CRYBG1: variants seen among roughly 807,000 people sequenced by gnomAD.
CRYBG1 encodes crystallin beta-gamma domain containing 1, also known as beta/gamma crystallin domain-containing protein 1.
CRYBG1 carries 139 observed loss-of-function variants against 189.2 expected under a neutral mutation model. The observed-to-expected ratio is 0.73, with a 90% CI of 0.64 to 0.85. The LOEUF is 0.85. Ranked by LOEUF, CRYBG1 falls within the 40% of genes least tolerant of loss-of-function variation. The pLI is 0.00. For synonymous variants in CRYBG1, 1,023 were observed against 1,017.1 expected (o/e 1.01, Z -0.11); for missense variants, 2,611 against 2,675.8 (o/e 0.98, Z 0.53).
chr6:106,443,366 A>T (rs908744772), intron 1 of CRYBG1, among the ~76,000 whole-genome samples: 1 of 152,236 alleles, frequency 6.6e-6, no homozygotes, highest in Non-Finnish European at 1.5e-5. Context: ...ATGATCAAGT[A>T]CATGGACCTC....
At chr6:106,368,292 C>T (rs941077494) in intron 1 of CRYBG1, among the ~76,000 whole-genome samples, 10 of 152,166 alleles carry the variant, frequency 6.6e-5, no homozygotes, top group African/African-American at 2.4e-4. Flanking sequence ...CACACACACA[C>T]ACATCTGTCT....
At chr6:106,460,727 C>T (rs1771993255) in intron 2 of CRYBG1, among the ~76,000 whole-genome samples, 2 of 152,102 alleles carry the variant, frequency 1.3e-5, no homozygotes, top group African/African-American at 4.8e-5. Flanking sequence ...CTGAAATGCT[C>T]CTCCCTCTCA....
chr6:106,424,933 A>G (rs1329228330), intron 1 of CRYBG1, among the ~76,000 whole-genome samples: 1 of 152,100 alleles, frequency 6.6e-6, no homozygotes, highest in Non-Finnish European at 1.5e-5. Flanking sequence ...GTCCTCTGGA[A>G]CTTGGAGTGC....
intron 1 of CRYBG1, among the ~76,000 whole-genome samples, chr6:106,365,344 T>A (rs7762351): frequency 0.67 from 100,960 of 151,666 alleles, 33,768 homozygotes; most frequent in African/African-American, 0.73. Flanking sequence ...GGAAAATCAC[T>A]TGAACCTGGG....
chr6:106,482,412 C>T (rs1772482690), intron 2 of CRYBG1, among the ~76,000 whole-genome samples: 1 of 125,572 alleles, frequency 8.0e-6, no homozygotes. Flanking sequence ...CCATCCTATT[C>T]ACAGGTCCTG....
At chr6:106,464,438 A>T (rs1304918183) in intron 2 of CRYBG1, among the ~76,000 whole-genome samples, 1 of 151,044 alleles carries the variant, frequency 6.6e-6, no homozygotes, top group Non-Finnish European at 1.5e-5. Context: ...GGTTGCAGTG[A>T]GCCAAGATTG....
chr6:106,535,632 T>C (rs57111135), intron 8 of CRYBG1, among the ~76,000 whole-genome samples: 4 of 152,364 alleles, frequency 2.6e-5, no homozygotes, highest in African/African-American at 7.2e-5. Flanking sequence ...ATGTCTCTTA[T>C]AGATTTGCAT....
chr6:106,558,507 A>C lies in CRYBG1; in HGVS notation c.5737A>C (p.Ile1913Leu). 1 of 1,602,264 alleles carries C rather than the reference A, an allele frequency of 6.2e-7. No homozygotes were observed. Among genetic ancestry groups the C allele is most frequent in the South Asian group, 1.1e-5 (1 of 89,462 alleles). ...ACAGGAATTTTCTGAACCAACAATT[A>C]TTCTCTTTGAAAGAGAAGACTTCAA... Reference protein sequence around the residue: ...IDVEFSEPTIILFEREDFKGK... With the variant: ...IDVEFSEPTILLFEREDFKGK... The change falls in exon 18 of 22, where the codon ATT (isoleucine) becomes CTT (leucine). Residue 1913 changes from isoleucine (I) to leucine (L), a missense_variant. Around this residue, in one of 3 missense-constraint regions of CRYBG1, gnomAD observed 1,622 missense variants for 1,735.0 expected, o/e 0.93. Coordinates refer to ENST00000633556, the MANE Select transcript of CRYBG1 (RefSeq NM_001371242.2).
chr6:106,433,743 ATG>A (rs1562305820), intron 1 of CRYBG1, among the ~76,000 whole-genome samples: 9,879 of 44,336 alleles, frequency 0.22, 1,010 homozygotes, highest in East Asian at 0.34. Flanking sequence ...ATACATATAT[ATG>A]TATATATATA....
intron 2 of CRYBG1, among the ~76,000 whole-genome samples, chr6:106,495,272 AG>A (rs916388390): frequency 1.3e-5 from 2 of 152,156 alleles, no homozygotes; most frequent in African/African-American, 4.8e-5. Context: ...AGAGCTCACC[AG>A]GGTATGCTGG....
intron 1 of CRYBG1, among the ~76,000 whole-genome samples, chr6:106,441,093 A>G (rs1175504698): frequency 1.3e-5 from 2 of 152,228 alleles, no homozygotes; most frequent in African/African-American, 4.8e-5. Context: ...GGAATTTGAT[A>G]GCCAAAGATT....
chr6:106,390,198 A>G (rs1770474549), intron 1 of CRYBG1, among the ~76,000 whole-genome samples: 1 of 152,138 alleles, frequency 6.6e-6, no homozygotes, highest in South Asian at 2.1e-4. Flanking sequence ...AAAGAAAACT[A>G]TGTTCTGATC....
chr6:106,480,431 G>A (rs954107783), intron 2 of CRYBG1, among the ~76,000 whole-genome samples: 12 of 151,656 alleles, frequency 7.9e-5, no homozygotes, highest in East Asian at 7.7e-4. Flanking sequence ...TTGGGAGGCC[G>A]AGGCAGGCAG....
intron 2 of CRYBG1, among the ~76,000 whole-genome samples, chr6:106,480,499 GAAA>G (rs71703000): frequency 7.7e-4 from 84 of 109,768 alleles, no homozygotes; most frequent in African/African-American, 2.0e-3. Context: ...TTTCTCTACT[GAAA>G]AAAAAAAAAA....
intron 1 of CRYBG1, among the ~76,000 whole-genome samples, chr6:106,399,505 T>C (rs968859142): frequency 2.6e-5 from 4 of 152,210 alleles, no homozygotes; most frequent in African/African-American, 9.7e-5. Context: ...AACAACTTTC[T>C]GGATGCGTGA....
At chr6:106,521,509 A>C in intron 4 of CRYBG1, 56 bp downstream of exon 4, 15 of 1,477,342 alleles carry the variant, frequency 1.0e-5, no homozygotes, top group Non-Finnish European at 1.4e-5. Flanking sequence ...AGGGAAGAGA[A>C]GGATGATGAG....
chr6:106,568,556 T>C lies in CRYBG1; in HGVS notation c.6386T>C (p.Leu2129Pro). Residue 2129 changes from leucine (L) to proline (P), a missense_variant, in exon 22 of 22, where the codon CTA (leucine) becomes CCA (proline). By Grantham distance (98) the Leu-to-Pro change is moderately conservative. This residue lies in a region of CRYBG1 where 1,622 missense variants were observed against 1,735.0 expected (regional missense o/e 0.93). Transcript: ENST00000633556. Reference protein sequence around the residue: ...KFTQVWEAMVLYT With the variant: ...KFTQVWEAMVPYT ...ACACAAGTGTGGGAAGCCATGGTCC[T>C]ATATACCTGAACAAAGAAGGAAGAA... 1 of 1,608,436 alleles carries C rather than the reference T, an allele frequency of 6.2e-7. No homozygotes were observed. The highest frequency in any genetic ancestry group is 1.3e-5 in the African/African-American group (1 of 74,934).
intron 8 of CRYBG1, among the ~76,000 whole-genome samples, chr6:106,530,546 AT>A (rs3214891): frequency 0.23 from 35,121 of 151,890 alleles, 4,254 homozygotes; most frequent in South Asian, 0.35. Context: ...GGGGGATTGA[AT>A]TTTTTAATGT....
Position 106,519,485 on chromosome 6 carries a change from G to A in CRYBG1, c.2277G>A (p.Glu759=). ...IETKVTVSEE[E]ILPATRGMNG... is the part of the protein sequence containing the mutation. The stretch of plus-strand genomic sequence containing the variant: ...CCAAAGTTACCGTCTCGGAAGAAGA[G>A]ATTCTGCCAGCAACCAGAGGAATGA... Residue 759 remains glutamate (E), a synonymous_variant, in exon 4 of 22, where the codon GAG becomes GAA. Transcript: ENST00000633556. The A allele has an allele frequency of 6.2e-7, 1 of 1,614,136 alleles. No homozygotes were observed.
Sources: allele counts gnomAD v4.1 joint callset (sites outside exome capture counted in the v4.1 genomes callset), GRCh38; gene constraint gnomAD v4.1.1; regional missense constraint gnomAD v4.1.1; transcripts MANE v1.5; gene names NCBI Gene and HGNC (gene_info 2026-07-23, HGNC 2026-07-21).